The following LDLRAD3 variants were observed in gnomAD, a reference collection of about 807,000 sequenced individuals.
LDLRAD3 encodes the protein low density lipoprotein receptor class A domain containing 3.
LDLRAD3 carries 20 observed loss-of-function variants against 29.4 expected under a neutral mutation model. The ratio of observed to expected loss-of-function variants is 0.68; its 90% CI spans 0.48 to 0.99. The LOEUF is 0.99. Among genes scored for constraint, LDLRAD3 ranks in the 50% least tolerant of loss-of-function variants. The pLI, the probability that LDLRAD3 is intolerant of heterozygous loss-of-function variation, is 0.00. For missense variants in LDLRAD3, 420 were observed against 454.3 expected, an observed-to-expected ratio of 0.92 and a Z score of 0.69; for synonymous variants, 157 against 192.7, an observed-to-expected ratio of 0.81 and a Z score of 1.53.
chr11:36,199,362 A>G (rs1327351189), intron 4 of LDLRAD3, among the ~76,000 whole-genome samples: 2 of 152,224 alleles, frequency 1.3e-5, no homozygotes, highest in Non-Finnish European at 2.9e-5. Context: ...TCAGATCACA[A>G]AAGTCACCTT....
At chr11:36,212,724 G>C (rs1236859769) in intron 4 of LDLRAD3, among the ~76,000 whole-genome samples, 3 of 152,130 alleles carry the variant, frequency 2.0e-5, no homozygotes, top group Non-Finnish European at 2.9e-5. Flanking sequence ...AATTCTGAGG[G>C]TGTACAGCAG....
At chr11:35,971,466 T>C (rs892534440) in intron 1 of LDLRAD3, among the ~76,000 whole-genome samples, 5 of 152,216 alleles carry the variant, frequency 3.3e-5, no homozygotes, top group Non-Finnish European at 5.9e-5. Context: ...GTTTGACCTA[T>C]GTCCTTGTAA....
Position 36,213,631 on chromosome 11 carries a change from A to C in LDLRAD3, c.455-13454A>C, listed in dbSNP as rs1028396411. 6.6e-6 allele frequency among the ~76,000 whole-genome samples: 1 copy of C among 152,144 alleles called. No individual in the cohort carries two copies. The highest frequency in any genetic ancestry group is 1.5e-5 in the Non-Finnish European group (1 of 68,030). ...CATGGTAGGAGGCATGCAGGAGTGA[A>C]ATGGGACCCCCAGGGCCGCTCCCAC... is the stretch of plus-strand genomic sequence containing the variant. On this transcript the variant is annotated intron_variant, in intron 4 of 5. Coordinates refer to ENST00000315571, the MANE Select transcript of LDLRAD3 (RefSeq NM_174902.4). This position sits in a 1 kb window ranked among gnomAD's most constrained non-coding sequence, Gnocchi z 4.1.
chr11:36,065,705 C>T (rs1852779745), intron 2 of LDLRAD3, among the ~76,000 whole-genome samples: 1 of 152,228 alleles, frequency 6.6e-6, no homozygotes, highest in South Asian at 2.1e-4. Context: ...TTGACACACT[C>T]ACCTCTGATG....
chr11:36,156,822 C>T (rs1854359358), intron 4 of LDLRAD3, among the ~76,000 whole-genome samples: 1 of 152,218 alleles, frequency 6.6e-6, no homozygotes, highest in South Asian at 2.1e-4. Flanking sequence ...CAACATAAAT[C>T]AAGCTGGTAA....
At chr11:35,953,612 T>A (rs1479748312) in intron 1 of LDLRAD3, among the ~76,000 whole-genome samples, 1 of 152,174 alleles carries the variant, frequency 6.6e-6, no homozygotes, top group Non-Finnish European at 1.5e-5. Flanking sequence ...TAATTGGACA[T>A]GGCTGAAAAA....
chr11:36,020,500 CCTT>C (rs1167880906), intron 1 of LDLRAD3, among the ~76,000 whole-genome samples: 6 of 152,142 alleles, frequency 3.9e-5, no homozygotes, highest in African/African-American at 1.4e-4. Context: ...ATTTTTCCCT[CCTT>C]CTTTTTCTCT....
chr11:36,098,392 A>G lies in LDLRAD3; in HGVS notation c.385A>G (p.Ser129Gly), dbSNP rs1234838514. Reference sequence around the variant, plus strand: ...CAAGAACGGCCTCTGTATTGACAAGAGCTTCATCTGCGATGGACAGAATAA... The same window carrying G: ...CAAGAACGGCCTCTGTATTGACAAGGGCTTCATCTGCGATGGACAGAATAA... ...HCKNGLCIDK[S>G]FICDGQNNCQ... The change falls in exon 4 of 6, where the codon AGC becomes GGC. Residue 129 changes from serine (S) to glycine (G), a missense_variant. By Grantham distance (56) the Ser-to-Gly change is moderately conservative. Coordinates refer to ENST00000315571, the MANE Select transcript of LDLRAD3 (RefSeq NM_174902.4). The G allele has an allele frequency of 9.3e-6, 15 of 1,614,220 alleles. 1 individual carries two copies. The East Asian group carries it at 3.3e-4, about 36-fold the overall frequency.
At chr11:36,193,908 G>A (rs1050776352) in intron 4 of LDLRAD3, among the ~76,000 whole-genome samples, 6 of 152,250 alleles carry the variant, frequency 3.9e-5, no homozygotes, top group African/African-American at 1.4e-4. Flanking sequence ...TCTTGGGAAT[G>A]TTATTTTACT....
At chr11:36,114,720 C>G (rs1590278936) in intron 4 of LDLRAD3, among the ~76,000 whole-genome samples, 2 of 152,302 alleles carry the variant, frequency 1.3e-5, no homozygotes, top group East Asian at 3.9e-4. Context: ...CCAGTGCCTG[C>G]CTGCCTTTCT....
chr11:36,193,118 G>A (rs144631127), intron 4 of LDLRAD3, among the ~76,000 whole-genome samples: 224 of 152,242 alleles, frequency 1.5e-3, no homozygotes, highest in Non-Finnish European at 2.4e-3. Flanking sequence ...GGAAAATCAC[G>A]GAATCTCTCC....
chr11:36,167,929 T>C (rs1590325911), intron 4 of LDLRAD3, among the ~76,000 whole-genome samples: 1 of 152,156 alleles, frequency 6.6e-6, no homozygotes, highest in Non-Finnish European at 1.5e-5. Context: ...CCAACTAAAA[T>C]GCTTTGTCAT....
intron 1 of LDLRAD3, chr11:35,997,110 T>C (rs545120656): frequency 6.6e-5 from 17 of 257,626 alleles, no homozygotes; most frequent in African/African-American, 3.7e-4. Context: ...ATGATGGCTA[T>C]TTTTATGATT....
In LDLRAD3 at chr11:35,978,775, G is replaced by T. The variant is rs547364479; in HGVS notation, c.46+34631G>T. 8.5e-5 allele frequency among the ~76,000 whole-genome samples: 13 copies of T among 152,188 alleles called. 1 individual carries two copies. The highest frequency in any genetic ancestry group is 7.2e-4 in the Admixed American group (11 of 15,278). Reference sequence around the variant, plus strand: ...TGAAACATTAAAATTTTAAACACCTGCATTCAGAGTTGTTTCTCTAACATT... The same window carrying T: ...TGAAACATTAAAATTTTAAACACCTTCATTCAGAGTTGTTTCTCTAACATT... On this transcript the variant is annotated intron_variant, in intron 1 of 5. Transcript: ENST00000315571.
At chr11:35,951,334 T>C (rs745584611) in intron 1 of LDLRAD3, among the ~76,000 whole-genome samples, 1 of 152,198 alleles carries the variant, frequency 6.6e-6, no homozygotes, top group Non-Finnish European at 1.5e-5. Flanking sequence ...TGCTTGTCTC[T>C]ATTTGTAGTT....
intron 4 of LDLRAD3, among the ~76,000 whole-genome samples, chr11:36,133,200 C>CTTTTTTA (rs1352865564): frequency 9.0e-6 from 1 of 111,670 alleles, no homozygotes; most frequent in Non-Finnish European, 1.9e-5. Flanking sequence ...TGTCCATTTT[C>CTTTTTTA]TTTTTTCTTT....
At chr11:35,999,285 G>A (rs147029344) in intron 1 of LDLRAD3, among the ~76,000 whole-genome samples, 3 of 152,304 alleles carry the variant, frequency 2.0e-5, no homozygotes, top group East Asian at 3.9e-4. Context: ...AAAGTGCTGC[G>A]ACCCTGAGGA....
At chr11:36,127,985 C>T (rs1352183279) in intron 4 of LDLRAD3, among the ~76,000 whole-genome samples, 4 of 151,686 alleles carry the variant, frequency 2.6e-5, no homozygotes, top group Non-Finnish European at 5.9e-5. Flanking sequence ...CAGCTGTTTC[C>T]CCAAAGCAGC....
intron 1 of LDLRAD3, chr11:35,968,462 C>A: frequency 2.7e-6 from 1 of 372,104 alleles, no homozygotes. Flanking sequence ...CACTGGAGTC[C>A]TCAAAATCTG....
Sources: allele counts gnomAD v4.1 joint callset (sites outside exome capture counted in the v4.1 genomes callset), GRCh38; gene constraint gnomAD v4.1.1; non-coding constraint Gnocchi (gnomAD v3.1); transcripts MANE v1.5; gene names NCBI Gene and HGNC (gene_info 2026-07-23, HGNC 2026-07-21).